The following STXBP6 variants were observed in gnomAD, a reference collection of about 807,000 sequenced individuals.
STXBP6 encodes syntaxin-binding protein 6.
A neutral mutation model predicts 26.9 loss-of-function variants in STXBP6; 21 were observed. That is an observed-to-expected ratio of 0.78 (90% CI 0.55 to 1.12). The LOEUF (loss-of-function observed/expected upper bound fraction) is 1.12, where lower values mean the gene tolerates loss of function less well. STXBP6 is among the 50% of genes most tolerant of loss of function. The pLI, the probability that STXBP6 is intolerant of heterozygous loss-of-function variation, is 0.00. For missense variants in STXBP6, 232 were observed against 257.9 expected (o/e 0.90, Z 0.69); for synonymous variants, 97 against 92.6 (o/e 1.05, Z -0.27).
intron 4 of STXBP6, among the ~76,000 whole-genome samples, chr14:24,824,972 A>G (rs1329806640): frequency 6.6e-6 from 1 of 152,238 alleles, no homozygotes; most frequent in Non-Finnish European, 1.5e-5. Context: ...CATTTGCCAA[A>G]GTGGTTCTGT....
At chr14:24,940,083 T>C (rs536552107) in intron 2 of STXBP6, among the ~76,000 whole-genome samples, 4 of 152,350 alleles carry the variant, frequency 2.6e-5, no homozygotes, top group African/African-American at 9.6e-5. Context: ...ATTCGTACTT[T>C]CATAAAGCTG....
At chr14:24,816,455 G>T (rs890408479) in intron 5 of STXBP6, 1 of 152,090 alleles carries the variant, frequency 6.6e-6, no homozygotes, top group African/African-American at 2.4e-5. Context: ...GTGATTCATA[G>T]GCACACATCC....
At chr14:24,915,246 G>C (rs949271192) in intron 2 of STXBP6, among the ~76,000 whole-genome samples, 39 of 152,072 alleles carry the variant, frequency 2.6e-4, no homozygotes, top group Admixed American at 2.4e-3. Context: ...TTTCAACTAT[G>C]GTTCAGGATT....
In STXBP6 at chr14:24,930,821, C is replaced by A. The variant is rs1285982994; in HGVS notation, c.154+43844G>T. The stretch of plus-strand genomic sequence containing the variant: ...AGCAAACTATTGCAAGGACAAAAAA[C>A]CAAACACCGGCCGGGCGCGGTGGCT... On this transcript the variant is annotated intron_variant, in intron 2 of 5. Transcript: ENST00000323944. 3.9e-5 allele frequency among the ~76,000 whole-genome samples: 6 copies of A among 152,132 alleles called. No homozygotes were observed. The East Asian group carries it at 9.7e-4, about 25-fold the overall frequency.
intron 2 of STXBP6, among the ~76,000 whole-genome samples, chr14:24,961,714 T>C (rs752062762): frequency 3.9e-5 from 6 of 152,202 alleles, no homozygotes; most frequent in Non-Finnish European, 7.3e-5. Context: ...ATTTGAATGA[T>C]GGGTTCACTA....
chr14:24,944,831 A>G (rs967457513), intron 2 of STXBP6, among the ~76,000 whole-genome samples: 1 of 152,062 alleles, frequency 6.6e-6, no homozygotes, highest in Non-Finnish European at 1.5e-5. Flanking sequence ...AGGTCATTAC[A>G]TGAGCATGGG....
At chr14:24,864,249 A>C (rs115986057) in intron 2 of STXBP6, among the ~76,000 whole-genome samples, 1 of 152,208 alleles carries the variant, frequency 6.6e-6, no homozygotes, top group Admixed American at 6.5e-5. Context: ...AAGGCTGAAA[A>C]TAAAAACTTG....
chr14:24,877,156 G>A (rs2070174480), intron 2 of STXBP6, among the ~76,000 whole-genome samples: 1 of 152,110 alleles, frequency 6.6e-6, no homozygotes, highest in African/African-American at 2.4e-5. Context: ...TTAGAAATCT[G>A]GTCACTCACT....
chr14:24,862,448 C>A (rs532400268), intron 2 of STXBP6, among the ~76,000 whole-genome samples: 6 of 152,108 alleles, frequency 3.9e-5, no homozygotes, highest in African/African-American at 1.4e-4. Flanking sequence ...CTCCATTAAC[C>A]CCAAAGGTGG....
intron 2 of STXBP6, among the ~76,000 whole-genome samples, chr14:24,901,997 A>T (rs1291021311): frequency 2.0e-5 from 3 of 152,180 alleles, no homozygotes; most frequent in African/African-American, 4.8e-5. Flanking sequence ...ATTTTACTGC[A>T]TGTACATCAT....
At chr14:24,986,585 G>C (rs151293648) in intron 1 of STXBP6, among the ~76,000 whole-genome samples, 260 of 152,244 alleles carry the variant, frequency 1.7e-3, no homozygotes, top group South Asian at 7.7e-3. Flanking sequence ...TAAACAACAG[G>C]GTGGGAAAAT....
At chr14:24,891,280 A>G (rs149069680) in intron 2 of STXBP6, among the ~76,000 whole-genome samples, 1 of 152,330 alleles carries the variant, frequency 6.6e-6, no homozygotes, top group East Asian at 1.9e-4. Context: ...GCCTATTTAA[A>G]TAAAGAATAG....
rs865946187 is a variant in STXBP6, at chr14:24,912,747, T to C, written c.155-55590A>G. Reference sequence around the variant, plus strand: ...TGTTCTGCAATAAGAAAAAAATTGCTATAAGGTACTTAGAAGCTTTATAGA... The same window carrying C: ...TGTTCTGCAATAAGAAAAAAATTGCCATAAGGTACTTAGAAGCTTTATAGA... On this transcript the variant is annotated intron_variant, in intron 2 of 5. Coordinates refer to ENST00000323944, the MANE Select transcript of STXBP6 (RefSeq NM_001394410.1). 2.0e-4 allele frequency among the ~76,000 whole-genome samples: 31 copies of C among 152,314 alleles called. 1 individual carries two copies. The Middle Eastern group carries it at 0.014, about 67-fold the overall frequency.
chr14:24,882,062 C>A (rs961965849), intron 2 of STXBP6, among the ~76,000 whole-genome samples: 6 of 152,042 alleles, frequency 3.9e-5, no homozygotes, highest in African/African-American at 1.4e-4. Context: ...CAATGCCTAC[C>A]CTTCCTCTGG....
At chr14:24,923,958 T>C (rs1478071292) in intron 2 of STXBP6, among the ~76,000 whole-genome samples, 2 of 152,190 alleles carry the variant, frequency 1.3e-5, no homozygotes, top group African/African-American at 4.8e-5. Flanking sequence ...GTCCCTTTTG[T>C]AGTTGTTCAA....
chr14:24,833,803 T>C (rs181653945), intron 4 of STXBP6, among the ~76,000 whole-genome samples: 1 of 152,324 alleles, frequency 6.6e-6, no homozygotes, highest in Non-Finnish European at 1.5e-5. Flanking sequence ...AAAAATTGTT[T>C]TCAATAAAAA....
intron 1 of STXBP6, among the ~76,000 whole-genome samples, chr14:25,017,664 T>G (rs763534503): frequency 1.3e-5 from 2 of 152,250 alleles, no homozygotes; most frequent in Non-Finnish European, 2.9e-5. Context: ...AATGACTTAC[T>G]TGGCTCTAAG....
In STXBP6 at chr14:25,035,119, C is replaced by G. The variant is rs566635093; in HGVS notation, c.-33+14759G>C. Among the ~76,000 whole-genome samples, 9 of 151,042 alleles carry G rather than the reference C, an allele frequency of 6.0e-5. No homozygotes were observed. In the South Asian group the frequency reaches 1.5e-3, roughly 25 times the overall value. ...TGAGCCAAGATCGCACCATTGCACT[C>G]CAGCTTGGGTGACAAGAGTGAGACT... On this transcript the variant is annotated intron_variant, in intron 1 of 5. Coordinates refer to ENST00000323944, the MANE Select transcript of STXBP6 (RefSeq NM_001394410.1).
At chr14:24,824,317 A>G (rs1222863954) in intron 4 of STXBP6, among the ~76,000 whole-genome samples, 1 of 152,148 alleles carries the variant, frequency 6.6e-6, no homozygotes, top group East Asian at 1.9e-4. Context: ...GCCCCCATCC[A>G]TGGTCATTCA....
Sources: gnomAD v4.1 joint callset for allele counts (sites outside exome capture counted in the v4.1 genomes callset) on GRCh38, gnomAD v4.1.1 for gene constraint, MANE v1.5 for transcripts, NCBI Gene and HGNC (gene_info 2026-07-23, HGNC 2026-07-21) for gene names.